Variants in FBRSL1 observed in about 807,000 individuals in gnomAD.
FBRSL1 encodes fibrosin like 1.
A neutral mutation model predicts 89.6 loss-of-function variants in FBRSL1; 51 were observed. The observed-to-expected ratio is 0.57, with a 90% CI of 0.45 to 0.72. The LOEUF (loss-of-function observed/expected upper bound fraction) is 0.72. Among genes scored for constraint, FBRSL1 ranks in the 30% least tolerant of loss-of-function variants. The pLI, the probability that FBRSL1 is intolerant of heterozygous loss-of-function variation, is 0.00. For missense variants in FBRSL1, 1,618 were observed against 1,451.8 expected (o/e 1.11, Z -1.86); for synonymous variants, 779 against 681.1 (o/e 1.14, Z -2.24).
At chr12:132,532,444 G>A (rs2036369850) in intron 4 of FBRSL1, among the ~76,000 whole-genome samples, 1 of 152,096 alleles carries the variant, frequency 6.6e-6, no homozygotes, top group Admixed American at 6.5e-5. Context: ...GCCTGGCTAT[G>A]CCCACATGCC....
At chr12:132,508,747 G>A (rs942086946) in intron 2 of FBRSL1, among the ~76,000 whole-genome samples, 2 of 152,246 alleles carry the variant, frequency 1.3e-5, no homozygotes, top group African/African-American at 2.4e-5. Context: ...CTGTCCACAC[G>A]CAGCGCCATC....
rs114931993 is a variant in FBRSL1 at position 132,581,527 on chromosome 12, C to T, written c.1912+11C>T. 4 of 1,550,674 alleles carry T rather than the reference C, an allele frequency of 2.6e-6. No individual in the cohort carries two copies. The African/African-American group carries it at 5.5e-5, about 21-fold the overall frequency. ...CTGGCCCCCTGACAGGTGGGTGTCT[C>T]TGAATTCAGCCCACGCAGCCTGGCT... On this transcript the variant is annotated intron_variant, in intron 16 of 18. Transcript: ENST00000680143.
At chr12:132,501,296 G>A (rs868472869) in intron 1 of FBRSL1, among the ~76,000 whole-genome samples, 3 of 152,230 alleles carry the variant, frequency 2.0e-5, no homozygotes, top group African/African-American at 4.8e-5. Context: ...GGGGCCGAGC[G>A]GCGGCTGCCC....
chr12:132,582,448 G>A lies in FBRSL1; in HGVS notation c.2201+182G>A, dbSNP rs1188974852. On this transcript the variant is annotated intron_variant, in intron 18 of 18. Coordinates refer to ENST00000680143, the MANE Select transcript of FBRSL1 (RefSeq NM_001367871.1). ...TCCCCCATTCCCTCTCACCCTCCTC[G>A]CCCCACTGCTGCGCACTCACAGTCT... Among the ~76,000 whole-genome samples, 6 of 108,232 alleles carry A rather than the reference G, an allele frequency of 5.5e-5. No homozygotes were observed. The Admixed American group carries it at 6.5e-4, about 12-fold the overall frequency. The allele number at this position is 108,232 out of a possible 152,430, so 71.0% of individuals were successfully genotyped here. A position where few individuals can be genotyped will look rare whatever the true frequency, so the allele number is the denominator to read the frequency against.
intron 4 of FBRSL1, among the ~76,000 whole-genome samples, chr12:132,530,403 C>T (rs1286772261): frequency 6.6e-6 from 1 of 152,056 alleles, no homozygotes; most frequent in Non-Finnish European, 1.5e-5. Context: ...GGGCAGGACT[C>T]CTGTCGGCTC....
chr12:132,566,321 C>G (rs1593528716), intron 5 of FBRSL1: 1 of 151,636 alleles, frequency 6.6e-6, no homozygotes, highest in Non-Finnish European at 1.5e-5. Flanking sequence ...ACCTCCTGAT[C>G]CCATCACCTG....
At position 132,527,960 on chromosome 12, in the gene FBRSL1, C is replaced by T. The variant is rs1315183687; in HGVS notation, c.587C>T (p.Ala196Val). The T allele has an allele frequency of 8.4e-6, 13 of 1,551,346 alleles. No homozygotes were observed. The Admixed American group carries it at 9.8e-5, about 12-fold the overall frequency. Residue 196 changes from alanine to valine, a missense_variant, in exon 4 of 19, where the codon GCG becomes GTG. Physicochemically the swap from Ala to Val is moderately conservative, Grantham distance 64 (BLOSUM62 0). Transcript: ENST00000680143. Reference protein sequence around the residue: ...SSRDPLSDSSAHAVSGRGYSC... With the variant: ...SSRDPLSDSSVHAVSGRGYSC... ...CCCTCTTCCTTCCTGCAGAGCTCTG[C>T]GCATGCGGTCTCGGGGAGAGGCTAC...
At chr12:132,498,022 C>T (rs1190254914) in intron 1 of FBRSL1, among the ~76,000 whole-genome samples, 3 of 152,166 alleles carry the variant, frequency 2.0e-5, no homozygotes, top group Non-Finnish European at 2.9e-5. Flanking sequence ...GCCTGGCCTG[C>T]ACCCCTGGGA....
chr12:132,490,829 A>G lies in FBRSL1; in HGVS notation c.259A>G (p.Ile87Val). Residue 87 changes from isoleucine (I) to valine (V), a missense_variant, in exon 1 of 19, where the codon ATC (isoleucine) becomes GTC (valine). Physicochemically the swap from Ile to Val is conservative, Grantham distance 29. Coordinates refer to ENST00000680143, the MANE Select transcript of FBRSL1 (RefSeq NM_001367871.1). ...QEEEVIDGFA[I>V]ASFSTLEALE... ...GGAGGAGGTCATCGACGGCTTCGCC[A>G]TCGCCAGCTTCAGCACCCTGGAGGC... 1 of 1,412,760 alleles carries G rather than the reference A, an allele frequency of 7.1e-7. No homozygotes were observed. Among genetic ancestry groups the G allele is most frequent in the Non-Finnish European group, 9.3e-7 (1 of 1,078,090 alleles). 87.5% of individuals were successfully genotyped at this position (1,412,760 alleles called of 1,614,324 possible).
At chr12:132,510,058 T>C (rs2136618367) in intron 2 of FBRSL1, 2 of 1,231,118 alleles carry the variant, frequency 1.6e-6, no homozygotes, top group Non-Finnish European at 2.0e-6. Flanking sequence ...ACGCCTTCAC[T>C]CCTGGGCCCG....
chr12:132,531,116 G>A (rs1433189714), intron 4 of FBRSL1, among the ~76,000 whole-genome samples: 2 of 152,120 alleles, frequency 1.3e-5, no homozygotes, highest in African/African-American at 4.8e-5. Context: ...CTGGAGGCAG[G>A]TGGAGGCCAG....
At chr12:132,545,131 C>T (rs2037583260) in intron 4 of FBRSL1, among the ~76,000 whole-genome samples, 1 of 152,196 alleles carries the variant, frequency 6.6e-6, no homozygotes, top group Non-Finnish European at 1.5e-5. Flanking sequence ...ACAGAGCGGG[C>T]GTCTTCTTTG....
intron 5 of FBRSL1, among the ~76,000 whole-genome samples, chr12:132,566,727 T>C (rs377551905): frequency 9.9e-5 from 15 of 151,782 alleles, no homozygotes; most frequent in African/African-American, 3.6e-4. Context: ...CCTGGGAGCA[T>C]AGCGCAGCAT....
chr12:132,578,391 C>T (rs2040523238), intron 15 of FBRSL1, among the ~76,000 whole-genome samples: 1 of 67,458 alleles, frequency 1.5e-5, no homozygotes, highest in Non-Finnish European at 3.3e-5. Context: ...AAGATATTTG[C>T]CATTCGCTGT....
chr12:132,543,632 CA>C (rs1226403081), intron 4 of FBRSL1, among the ~76,000 whole-genome samples: 1 of 141,998 alleles, frequency 7.0e-6, no homozygotes, highest in African/African-American at 2.7e-5. Flanking sequence ...CCCCCCTACC[CA>C]GCTTGTGGCT....
At chr12:132,567,166 C>T (rs867973755) in intron 5 of FBRSL1, among the ~76,000 whole-genome samples, 32 of 152,102 alleles carry the variant, frequency 2.1e-4, no homozygotes, top group African/African-American at 7.5e-4. Context: ...CAAATGCCGG[C>T]GCTCCCCCAG....
At chr12:132,567,212 C>T (rs1313059010) in intron 5 of FBRSL1, among the ~76,000 whole-genome samples, 1 of 152,204 alleles carries the variant, frequency 6.6e-6, no homozygotes, top group East Asian at 1.9e-4. Context: ...CCGATCCCCC[C>T]ACAAACCCCG....
intron 1 of FBRSL1, among the ~76,000 whole-genome samples, chr12:132,503,039 A>T (rs2033214684): frequency 6.6e-6 from 1 of 151,814 alleles, no homozygotes; most frequent in Non-Finnish European, 1.5e-5. Context: ...GGGCCAGGCC[A>T]CAGCCTCCAT....
chr12:132,540,598 C>T (rs934145040), intron 4 of FBRSL1, among the ~76,000 whole-genome samples: 4 of 151,956 alleles, frequency 2.6e-5, no homozygotes, highest in African/African-American at 4.8e-5. Flanking sequence ...GGACTCCACA[C>T]GCCCCCTGAC....
Sources: allele counts gnomAD v4.1 joint callset (sites outside exome capture counted in the v4.1 genomes callset), GRCh38; gene constraint gnomAD v4.1.1; transcripts MANE v1.5; gene names NCBI Gene and HGNC (gene_info 2026-07-23, HGNC 2026-07-21).